Variants in GPHN observed in about 807,000 individuals in gnomAD.
GPHN encodes gephyrin.
A neutral mutation model predicts 95.5 loss-of-function variants in GPHN; 17 were observed. That is an observed-to-expected ratio of 0.18 (90% confidence interval 0.12 to 0.27). The LOEUF (loss-of-function observed/expected upper bound fraction) is 0.27, where lower values mean the gene tolerates loss of function less well. Ranked by LOEUF, GPHN falls within the 10% of genes least tolerant of loss-of-function variation. The pLI is 1.00. For synonymous variants in GPHN, 320 were observed against 322.5 expected (o/e 0.99, Z 0.08); for missense variants, 660 against 978.1 (o/e 0.67, Z 4.34).
At chr14:66,766,558 T>TA (rs1192188584) in intron 2 of GPHN, among the ~76,000 whole-genome samples, 1 of 151,910 alleles carries the variant, frequency 6.6e-6, no homozygotes, top group Non-Finnish European at 1.5e-5. Context: ...AAATGAAAGG[T>TA]AAAACCAAAG....
intron 1 of GPHN, among the ~76,000 whole-genome samples, chr14:66,617,247 C>T (rs907120119): frequency 2.0e-5 from 3 of 152,190 alleles, no homozygotes; most frequent in Non-Finnish European, 4.4e-5. Context: ...CTGGTTGCCC[C>T]TCCTGTAGGG....
At chr14:67,561,906 A>T in the GPHN span, 1 of 1,375,572 alleles carries the variant, frequency 7.3e-7, no homozygotes, top group Non-Finnish European at 1.0e-6. Context: ...AAATACATCT[A>T]AACCTGTAGG....
chr14:66,629,193 G>A (rs1316891195), intron 1 of GPHN, among the ~76,000 whole-genome samples: 1 of 135,640 alleles, frequency 7.4e-6, no homozygotes, highest in Non-Finnish European at 1.6e-5. Flanking sequence ...ATATAAATAT[G>A]TATATAAATA....
intron 1 of GPHN, among the ~76,000 whole-genome samples, chr14:66,592,470 A>ACC (rs36198474): frequency 6.5e-4 from 78 of 119,728 alleles, no homozygotes; most frequent in African/African-American, 2.6e-3. Context: ...AAAAAAAAAA[A>ACC]CCCCGTCAAG....
At chr14:67,433,549 T>C in the GPHN span, among the ~76,000 whole-genome samples, 1 of 151,932 alleles carries the variant, frequency 6.6e-6, no homozygotes, top group Admixed American at 6.6e-5. Flanking sequence ...TAAAGACAAA[T>C]GAGACGCATC....
chr14:67,221,733 G>A, the GPHN span: 1 of 1,607,354 alleles, frequency 6.2e-7, no homozygotes, highest in Non-Finnish European at 8.5e-7. Context: ...CTAAATATTT[G>A]TGGTTATGCT....
chr14:67,140,569 A>G (rs896560075), intron 17 of GPHN, among the ~76,000 whole-genome samples: 1 of 152,112 alleles, frequency 6.6e-6, no homozygotes, highest in Admixed American at 6.5e-5. Flanking sequence ...ATATATTACA[A>G]GGTTTGTAAA....
At chr14:67,725,155 GA>G in the GPHN span, 1 of 1,614,206 alleles carries the variant, frequency 6.2e-7, no homozygotes, top group Non-Finnish European at 8.5e-7. Flanking sequence ...TGCTGCCAGT[GA>G]AATCCGAGTG....
chr14:67,496,879 C>T, the GPHN span, among the ~76,000 whole-genome samples: 5 of 151,960 alleles, frequency 3.3e-5, no homozygotes, highest in South Asian at 2.1e-4. Context: ...CTCACTGCAA[C>T]CTCTGCCTCC....
chr14:67,227,509 T>C, the GPHN span: 1 of 151,300 alleles, frequency 6.6e-6, no homozygotes, highest in Non-Finnish European at 1.5e-5. Context: ...TGCTGATATA[T>C]GGGAAAAGGT....
the GPHN span, chr14:67,364,139 A>G: frequency 0.28 from 43,078 of 152,134 alleles, 9,956 homozygotes; most frequent in African/African-American, 0.61. Flanking sequence ...ATTGGGGATA[A>G]GAGAAGCTAG....
chr14:66,648,207 G>A (rs1414062221), intron 1 of GPHN, among the ~76,000 whole-genome samples: 1 of 151,986 alleles, frequency 6.6e-6, no homozygotes. Flanking sequence ...AAAAAGACAC[G>A]TATTCAGGAA....
intron 1 of GPHN, among the ~76,000 whole-genome samples, chr14:66,672,105 T>A (rs1455800678): frequency 6.6e-6 from 1 of 152,146 alleles, no homozygotes; most frequent in Non-Finnish European, 1.5e-5. Flanking sequence ...CTCTAAACAC[T>A]GCTTTTACTG....
At chr14:66,528,353 T>C (rs2058773879) in intron 1 of GPHN, among the ~76,000 whole-genome samples, 1 of 152,228 alleles carries the variant, frequency 6.6e-6, no homozygotes, top group Non-Finnish European at 1.5e-5. Flanking sequence ...AGCCTATGTG[T>C]GTCTTTGCAT....
At chr14:67,654,702 A>G in the GPHN span, among the ~76,000 whole-genome samples, 1 of 152,126 alleles carries the variant, frequency 6.6e-6, no homozygotes, top group African/African-American at 2.4e-5. Context: ...TTCTGCTATT[A>G]AGAATACAGC....
chr14:66,694,114 A>T (rs1022258558), intron 2 of GPHN, among the ~76,000 whole-genome samples: 1 of 152,090 alleles, frequency 6.6e-6, no homozygotes, highest in Non-Finnish European at 1.5e-5. Flanking sequence ...TTAACCCCCG[A>T]TGTGAGGGCG....
chr14:67,562,155 C>T, the GPHN span: 11 of 1,611,206 alleles, frequency 6.8e-6, no homozygotes, highest in African/African-American at 1.5e-4. Flanking sequence ...ATAGCTCCTT[C>T]ACGGAAGCTG....
intron 1 of GPHN, among the ~76,000 whole-genome samples, chr14:66,542,431 G>T (rs999441309): frequency 1.3e-5 from 2 of 152,162 alleles, no homozygotes; most frequent in Non-Finnish European, 2.9e-5. Context: ...CATCAGAACA[G>T]AACTTGCATA....
At chr14:67,073,402 T>G (rs1400685418) in intron 11 of GPHN, among the ~76,000 whole-genome samples, 2 of 152,152 alleles carry the variant, frequency 1.3e-5, no homozygotes, top group Non-Finnish European at 2.9e-5. Flanking sequence ...AAAGTAGGCA[T>G]TTGCTCTCAA....
Sources: allele counts gnomAD v4.1 joint callset (sites outside exome capture counted in the v4.1 genomes callset), GRCh38; gene constraint gnomAD v4.1.1; transcripts MANE v1.5; gene names NCBI Gene and HGNC (gene_info 2026-07-23, HGNC 2026-07-21).